ACOXL: variants seen among roughly 807,000 people sequenced by gnomAD.
The protein encoded by ACOXL is acyl-CoA oxidase like, also known as acyl-coenzyme A oxidase-like protein.
In ACOXL, 70 loss-of-function variants were observed where a neutral mutation model predicts 71.9. That is an observed-to-expected ratio of 0.97 (90% confidence interval 0.80 to 1.19). The LOEUF (loss-of-function observed/expected upper bound fraction) is 1.19, where lower values mean the gene tolerates loss of function less well. Ranked by LOEUF, ACOXL falls within the 50% of genes most tolerant of loss-of-function variation. The probability of loss-of-function intolerance (pLI) is 0.00; values close to 1 mark genes in which losing one functional copy is unlikely to be tolerated. For missense variants in ACOXL, 703 were observed against 736.3 expected (o/e 0.95, Z 0.52); for synonymous variants, 253 against 281.6 (o/e 0.90, Z 1.02).
chr2:110,942,273 T>C (rs2060894450), intron 12 of ACOXL, among the ~76,000 whole-genome samples: 1 of 152,108 alleles, frequency 6.6e-6, no homozygotes, highest in African/African-American at 2.4e-5. Flanking sequence ...AGGCAGAAAT[T>C]GTCAGACTGG....
intron 1 of ACOXL, among the ~76,000 whole-genome samples, chr2:110,758,366 G>A (rs1225029991): frequency 2.0e-5 from 3 of 152,062 alleles, no homozygotes; most frequent in Non-Finnish European, 4.4e-5. Context: ...GATTGTCTTG[G>A]TTATCTGGGC....
In ACOXL at chr2:111,117,844, G is replaced by T. The variant is rs931996686; in HGVS notation, c.*28G>T. The T allele has an allele frequency of 1.3e-6, 2 of 1,533,394 alleles. No homozygotes were observed. Among genetic ancestry groups the T allele is most frequent in the Non-Finnish European group, 1.8e-6 (2 of 1,140,962 alleles). The allele number at this position is 1,533,394 out of a possible 1,614,324, so 95.0% of individuals were successfully genotyped here. On this transcript the variant is annotated 3_prime_UTR_variant, in exon 18 of 18. Transcript: ENST00000439055. The stretch of plus-strand genomic sequence containing the variant: ...GGTGTGGCGGGAAGTGTGGTGGCCC[G>T]CCAGCAGCTGCCACGACGCTCGCTC...
At chr2:110,740,802 G>A (rs1389653405) in intron 1 of ACOXL, among the ~76,000 whole-genome samples, 2 of 152,202 alleles carry the variant, frequency 1.3e-5, no homozygotes, top group East Asian at 3.8e-4. Flanking sequence ...CTGTCCTTTG[G>A]AAGCTACAGT....
chr2:111,078,716 A>G (rs956886443), intron 16 of ACOXL, among the ~76,000 whole-genome samples: 7 of 152,192 alleles, frequency 4.6e-5, no homozygotes, highest in African/African-American at 1.7e-4. Context: ...GCATCCGTTG[A>G]TTGACCTTTT....
At chr2:110,913,943 A>G (rs1433080010) in intron 11 of ACOXL, among the ~76,000 whole-genome samples, 1 of 152,128 alleles carries the variant, frequency 6.6e-6, no homozygotes, top group Non-Finnish European at 1.5e-5. Context: ...ACCATGTCTC[A>G]CCTCCAACAT....
intron 16 of ACOXL, among the ~76,000 whole-genome samples, chr2:111,054,312 C>G (rs1163497093): frequency 6.6e-6 from 1 of 152,202 alleles, no homozygotes; most frequent in Admixed American, 6.5e-5. Context: ...CAACCATGCT[C>G]CCTCTTGTTC....
chr2:110,859,399 C>T (rs1441301949), intron 10 of ACOXL, among the ~76,000 whole-genome samples: 1 of 152,128 alleles, frequency 6.6e-6, no homozygotes, highest in Non-Finnish European at 1.5e-5. Context: ...ATTTGACATG[C>T]ACAGCTGGGT....
chr2:110,797,007 G>T (rs1573558017), intron 5 of ACOXL, among the ~76,000 whole-genome samples: 1 of 152,012 alleles, frequency 6.6e-6, no homozygotes, highest in East Asian at 1.9e-4. Context: ...AATTAAATGT[G>T]CAGTTCCACT....
intron 13 of ACOXL, among the ~76,000 whole-genome samples, chr2:110,989,767 G>C (rs1177936081): frequency 6.6e-6 from 1 of 152,178 alleles, no homozygotes; most frequent in Admixed American, 6.5e-5. Context: ...AAATGGGCTG[G>C]GCACAGTGGC....
intron 2 of ACOXL, among the ~76,000 whole-genome samples, chr2:110,772,739 G>A (rs114042994): frequency 6.6e-6 from 1 of 152,272 alleles, no homozygotes; most frequent in African/African-American, 2.4e-5. Flanking sequence ...TCAAAGTAAG[G>A]CCCGAGGACC....
intron 15 of ACOXL, among the ~76,000 whole-genome samples, chr2:111,046,117 A>G (rs1248476948): frequency 1.3e-5 from 2 of 152,250 alleles, no homozygotes; most frequent in Non-Finnish European, 2.9e-5. Flanking sequence ...CGAACAGGGA[A>G]CAGGGGAGAC....
intron 9 of ACOXL, among the ~76,000 whole-genome samples, chr2:110,838,319 CAT>C (rs1321376851): frequency 2.0e-5 from 3 of 152,218 alleles, no homozygotes; most frequent in South Asian, 4.1e-4. Context: ...CACTAGTGTG[CAT>C]ATGTGTGTGT....
intron 17 of ACOXL, among the ~76,000 whole-genome samples, chr2:111,093,296 T>G (rs1326133936): frequency 6.6e-6 from 1 of 152,012 alleles, no homozygotes; most frequent in Non-Finnish European, 1.5e-5. Flanking sequence ...ATACATTGTT[T>G]ATATTAAGAA....
intron 17 of ACOXL, chr2:111,093,613 C>G (rs1346059780): frequency 2.7e-6 from 4 of 1,476,788 alleles, no homozygotes; most frequent in East Asian, 2.4e-5. Context: ...GCCTGTAATC[C>G]CAGCACTATG....
intron 10 of ACOXL, among the ~76,000 whole-genome samples, chr2:110,908,496 A>G (rs537749180): frequency 1.3e-5 from 2 of 152,336 alleles, no homozygotes; most frequent in East Asian, 3.9e-4. Flanking sequence ...TTGGAACTAT[A>G]AAATGTCATG....
intron 1 of ACOXL, among the ~76,000 whole-genome samples, chr2:110,734,854 GTGTGACCAT>G (rs1396162700): frequency 2.7e-5 from 4 of 148,174 alleles, no homozygotes; most frequent in East Asian, 2.0e-4. Context: ...TTTATTTCCT[GTGTGACCAT>G]TGTCCTGGAT....
chr2:110,905,085 A>T (rs1364120616), intron 10 of ACOXL, among the ~76,000 whole-genome samples: 1 of 152,126 alleles, frequency 6.6e-6, no homozygotes, highest in Non-Finnish European at 1.5e-5. Context: ...GGTGCACATG[A>T]CACCAGCTGG....
At chr2:110,806,504 A>C (rs1686658432) in intron 9 of ACOXL, among the ~76,000 whole-genome samples, 1 of 152,190 alleles carries the variant, frequency 6.6e-6, no homozygotes, top group Admixed American at 6.6e-5. Flanking sequence ...CTGGTTCCTC[A>C]GGTCTGCAAC....
intron 10 of ACOXL, among the ~76,000 whole-genome samples, chr2:110,862,092 T>C (rs1439547988): frequency 6.6e-6 from 1 of 152,200 alleles, no homozygotes; most frequent in Non-Finnish European, 1.5e-5. Flanking sequence ...TTTAGAATAG[T>C]GAGGCCTTCG....
Sources: allele counts gnomAD v4.1 joint callset (sites outside exome capture counted in the v4.1 genomes callset), GRCh38; gene constraint gnomAD v4.1.1; transcripts MANE v1.5; gene names NCBI Gene and HGNC (gene_info 2026-07-23, HGNC 2026-07-21).